NUAK1: variants seen among roughly 807,000 people sequenced by gnomAD.
NUAK1 encodes NUAK family SNF1-like kinase 1.
NUAK1 carries 26 observed loss-of-function variants against 56.9 expected under a neutral mutation model. That is an observed-to-expected ratio of 0.46 (90% CI 0.33 to 0.63). NUAK1 has a LOEUF of 0.63. NUAK1 is among the 30% of genes least tolerant of loss of function. NUAK1 has a pLI of 0.02. For missense variants in NUAK1, 727 were observed against 876.1 expected (o/e 0.83, Z 2.15); for synonymous variants, 337 against 336.0 (o/e 1.00, Z -0.03).
intron 6 of NUAK1, among the ~76,000 whole-genome samples, chr12:106,068,933 A>G (rs1483755635): frequency 6.6e-6 from 1 of 152,222 alleles, no homozygotes; most frequent in African/African-American, 2.4e-5. Context: ...CAGTCATTCA[A>G]TAAGTATTTC....
intron 1 of NUAK1, among the ~76,000 whole-genome samples, chr12:106,134,657 G>C (rs1238917973): frequency 6.6e-6 from 1 of 152,184 alleles, no homozygotes; most frequent in Non-Finnish European, 1.5e-5. Context: ...TGTGGCTTTG[G>C]TTTTGGGATT....
chr12:106,079,148 C>T (rs1309818541), intron 4 of NUAK1, among the ~76,000 whole-genome samples: 1 of 152,160 alleles, frequency 6.6e-6, no homozygotes, highest in Non-Finnish European at 1.5e-5. Flanking sequence ...TAATCACACC[C>T]ACCCCGGTGG....
intron 2 of NUAK1, among the ~76,000 whole-genome samples, chr12:106,102,529 T>C (rs1425395202): frequency 6.6e-6 from 1 of 152,192 alleles, no homozygotes; most frequent in Non-Finnish European, 1.5e-5. Flanking sequence ...GCTTCTGTGT[T>C]GGACAGCATA....
chr12:106,089,139 A>G (rs1451607736), intron 2 of NUAK1, among the ~76,000 whole-genome samples: 1 of 152,272 alleles, frequency 6.6e-6, no homozygotes, highest in African/African-American at 2.4e-5. Context: ...AGGCCCCAAA[A>G]ATGAAAGAGT....
intron 2 of NUAK1, among the ~76,000 whole-genome samples, chr12:106,103,749 A>C (rs1340522462): frequency 6.6e-6 from 1 of 152,162 alleles, no homozygotes; most frequent in Non-Finnish European, 1.5e-5. Context: ...GGTGGGAGGT[A>C]ATTTAATCAT....
chr12:106,106,868 C>G (rs1565924750), intron 1 of NUAK1, among the ~76,000 whole-genome samples: 2 of 152,116 alleles, frequency 1.3e-5, no homozygotes, highest in Non-Finnish European at 2.9e-5. Flanking sequence ...GAAAAAAAGG[C>G]AAGTTCAGTT....
At chr12:106,122,270 A>C (rs1388646691) in intron 1 of NUAK1, among the ~76,000 whole-genome samples, 1 of 152,192 alleles carries the variant, frequency 6.6e-6, no homozygotes, top group Non-Finnish European at 1.5e-5. Context: ...AAAAAGGCAC[A>C]CTGGGCATTC....
chr12:106,083,146 T>C (rs1164152142), intron 4 of NUAK1, among the ~76,000 whole-genome samples: 3 of 152,202 alleles, frequency 2.0e-5, no homozygotes, highest in African/African-American at 7.2e-5. Flanking sequence ...CTCCAGCACT[T>C]GCTATTTCCC....
At chr12:106,132,940 C>T (rs1487049322) in intron 1 of NUAK1, among the ~76,000 whole-genome samples, 1 of 152,152 alleles carries the variant, frequency 6.6e-6, no homozygotes, top group African/African-American at 2.4e-5. Flanking sequence ...TCTGCTGCTG[C>T]CTGTGACCTT....
At chr12:106,129,948 G>A (rs1160770878) in intron 1 of NUAK1, among the ~76,000 whole-genome samples, 1 of 152,124 alleles carries the variant, frequency 6.6e-6, no homozygotes, top group Non-Finnish European at 1.5e-5. Flanking sequence ...TGATTCGACA[G>A]CTGGGATTTC....
At chr12:106,134,886 T>C (rs1424358284) in intron 1 of NUAK1, among the ~76,000 whole-genome samples, 1 of 152,232 alleles carries the variant, frequency 6.6e-6, no homozygotes, top group Non-Finnish European at 1.5e-5. Flanking sequence ...CACACCTCCC[T>C]AATTAATTTG....
chr12:106,068,297 A>C (rs998669928), intron 6 of NUAK1, among the ~76,000 whole-genome samples: 2 of 152,250 alleles, frequency 1.3e-5, no homozygotes, highest in African/African-American at 2.4e-5. Flanking sequence ...CTTGACCCTG[A>C]GAGGTGCCCC....
intron 2 of NUAK1, among the ~76,000 whole-genome samples, chr12:106,099,113 T>C (rs1335333926): frequency 1.3e-5 from 2 of 152,224 alleles, no homozygotes; most frequent in East Asian, 3.8e-4. Flanking sequence ...GTTACGTTTG[T>C]ATTTACACAG....
chr12:106,136,416 T>C (rs2136487867), intron 1 of NUAK1, among the ~76,000 whole-genome samples: 1 of 152,216 alleles, frequency 6.6e-6, no homozygotes, highest in African/African-American at 2.4e-5. Context: ...TTTCTGCAAA[T>C]ACAGAGAAAG....
At chr12:106,091,753 A>G (rs967790183) in intron 2 of NUAK1, among the ~76,000 whole-genome samples, 1 of 152,194 alleles carries the variant, frequency 6.6e-6, no homozygotes, top group East Asian at 1.9e-4. Flanking sequence ...TTTCCAGGAG[A>G]CTTCCCAGAC....
At chr12:106,071,423 G>A (rs2032405871) in intron 5 of NUAK1, among the ~76,000 whole-genome samples, 1 of 152,156 alleles carries the variant, frequency 6.6e-6, no homozygotes, top group Non-Finnish European at 1.5e-5. Flanking sequence ...AAAGAATTGG[G>A]GTTATGACAT....
rs145217091 is a variant in NUAK1 at position 106,116,272 on chromosome 12, G to A, written c.241-9747C>T. Among the ~76,000 whole-genome samples, 448 of 152,246 alleles carry A rather than the reference G, an allele frequency of 2.9e-3. 4 individuals are homozygous for A. The highest frequency in any genetic ancestry group is 0.01 in the African/African-American group (421 of 41,524). Reference sequence around the variant, plus strand: ...CCAACCTAAACCCCAGCCATCTGCCGCTGAGCCTTCTTTTACTTGCTCACC... The same window carrying A: ...CCAACCTAAACCCCAGCCATCTGCCACTGAGCCTTCTTTTACTTGCTCACC... On this transcript the variant is annotated intron_variant, in intron 1 of 6. Transcript: ENST00000261402.
chr12:106,106,742 G>T (rs533691742), intron 1 of NUAK1, among the ~76,000 whole-genome samples: 1 of 152,282 alleles, frequency 6.6e-6, no homozygotes, highest in Non-Finnish European at 1.5e-5. Context: ...CCTGGGATTT[G>T]TGATGGTGGT....
intron 4 of NUAK1, among the ~76,000 whole-genome samples, chr12:106,079,097 C>G (rs1411601576): frequency 6.6e-6 from 1 of 152,202 alleles, no homozygotes; most frequent in Non-Finnish European, 1.5e-5. Context: ...CCAGTCCCAT[C>G]ACTTATTAGC....
Sources: allele counts gnomAD v4.1 joint callset (sites outside exome capture counted in the v4.1 genomes callset), GRCh38; gene constraint gnomAD v4.1.1; transcripts MANE v1.5; gene names NCBI Gene and HGNC (gene_info 2026-07-23, HGNC 2026-07-21).